The following FBXO40 variants were observed in gnomAD, a reference collection of about 807,000 sequenced individuals.
FBXO40 encodes the protein F-box only protein 40.
FBXO40 carries 50 observed loss-of-function variants against 49.9 expected under a neutral mutation model. That is an observed-to-expected ratio of 1.00 (90% confidence interval 0.80 to 1.27). The LOEUF (loss-of-function observed/expected upper bound fraction) is 1.27. Among genes scored for constraint, FBXO40 ranks in the 50% most tolerant of loss-of-function variants. FBXO40 has a pLI of 0.00. For synonymous variants in FBXO40, 340 were observed against 320.2 expected, an observed-to-expected ratio of 1.06 and a Z score of -0.66; for missense variants, 895 against 870.1, an observed-to-expected ratio of 1.03 and a Z score of -0.36.
intron 1 of FBXO40, among the ~76,000 whole-genome samples, chr3:121,613,071 G>GAA (rs34114730): frequency 0.027 from 3,549 of 129,258 alleles, 73 homozygotes; most frequent in African/African-American, 0.033. Context: ...CTCCGTCTCA[G>GAA]AAAAAAAAAA....
intron 1 of FBXO40, among the ~76,000 whole-genome samples, chr3:121,613,472 A>G (rs191592895): frequency 5.9e-5 from 9 of 152,340 alleles, no homozygotes; most frequent in Non-Finnish European, 7.3e-5. Flanking sequence ...ATTTCAGGGC[A>G]AAAATGACAT....
At chr3:121,607,388 C>A (rs7649183) in intron 1 of FBXO40, among the ~76,000 whole-genome samples, 6 of 130,118 alleles carry the variant, frequency 4.6e-5, no homozygotes, top group Non-Finnish European at 4.7e-5. Flanking sequence ...CGGCTCACTG[C>A]AAGCTCCGCC....
intron 1 of FBXO40, among the ~76,000 whole-genome samples, chr3:121,599,337 G>A (rs939388701): frequency 6.6e-5 from 10 of 151,886 alleles, no homozygotes; most frequent in African/African-American, 2.4e-4. Context: ...GTGTGATGGT[G>A]CATGCCTGTA....
At chr3:121,595,416 T>C (rs2048866785) in intron 1 of FBXO40, among the ~76,000 whole-genome samples, 2 of 152,222 alleles carry the variant, frequency 1.3e-5, no homozygotes. Flanking sequence ...ATAATCCAGT[T>C]ACTTTAGCAC....
At chr3:121,618,241 T>C (rs1412703916) in intron 1 of FBXO40, among the ~76,000 whole-genome samples, 2 of 152,018 alleles carry the variant, frequency 1.3e-5, no homozygotes, top group Non-Finnish European at 2.9e-5. Flanking sequence ...AATGTGACTA[T>C]AGGCATTTTA....
intron 1 of FBXO40, among the ~76,000 whole-genome samples, chr3:121,606,113 C>A (rs2048930883): frequency 6.6e-6 from 1 of 152,180 alleles, no homozygotes; most frequent in South Asian, 2.1e-4. Context: ...TAAAAGACGA[C>A]CAGGAGGAGG....
chr3:121,615,159 C>T lies in FBXO40; in HGVS notation c.-30-5387C>T, dbSNP rs569723314. On this transcript the variant is annotated intron_variant, in intron 1 of 3. Coordinates refer to ENST00000338040, the MANE Select transcript of FBXO40 (RefSeq NM_016298.4). ...GACGGAGGTTGCAGTAAGCCAAGAT[C>T]GTGCCACTGCACTCCAGCCTGGGCA... 5.7e-4 allele frequency among the ~76,000 whole-genome samples: 74 copies of T among 130,230 alleles called. No homozygotes were observed. The South Asian group carries it at 7.5e-3, about 13-fold the overall frequency. 85.4% of individuals were successfully genotyped at this position (130,230 alleles called of 152,430 possible).
chr3:121,601,785 T>C (rs2048902505), intron 1 of FBXO40, among the ~76,000 whole-genome samples: 1 of 152,244 alleles, frequency 6.6e-6, no homozygotes. Flanking sequence ...ATTTGTGATT[T>C]TCCCCTTCTT....
chr3:121,600,315 A>G (rs898164236), intron 1 of FBXO40, among the ~76,000 whole-genome samples: 2 of 151,330 alleles, frequency 1.3e-5, no homozygotes, highest in Non-Finnish European at 2.9e-5. Context: ...CTGAGATTAC[A>G]GACATTTGCC....
Position 121,622,443 on chromosome 3 carries a change from G to T in FBXO40, c.1014G>T (p.Lys338Asn). Residue 338 changes from lysine (K) to asparagine (N), a missense_variant, in exon 3 of 4, where the codon AAG becomes AAT. Lys to Asn is a moderately conservative substitution (Grantham distance 94, BLOSUM62 0). Transcript: ENST00000338040. Reference sequence around the variant, plus strand: ...AGGAGAGAGACTTTGTTTATGGCAAGCTGGAGGCTCAGGAAGTTAAGACTG... The same window carrying T: ...AGGAGAGAGACTTTGTTTATGGCAATCTGGAGGCTCAGGAAGTTAAGACTG... ...TPKERDFVYG[K>N]LEAQEVKTVY... The T allele has an allele frequency of 5.6e-6, 9 of 1,614,236 alleles. No homozygotes were observed. Among genetic ancestry groups the T allele is most frequent in the Non-Finnish European group, 7.6e-6 (9 of 1,180,048 alleles).
rs766869702 is a variant in FBXO40 at position 121,623,093 on chromosome 3, A to G, written c.1664A>G (p.Glu555Gly). The G allele has an allele frequency of 1.2e-6, 2 of 1,614,230 alleles. No individual in the cohort carries two copies. Among genetic ancestry groups the G allele is most frequent in the South Asian group, 2.2e-5 (2 of 91,080 alleles). ...IKPEVAPELS[E>G]GRKNNHLLGH... is the part of the protein sequence containing the mutation. ...CCGGAGGTTGCTCCAGAGCTGAGCG[A>G]GGGAAGGAAGAACAACCATCTTTTG... is the stretch of plus-strand genomic sequence containing the variant. Residue 555 changes from glutamate to glycine, a missense_variant, in exon 3 of 4, where the codon GAG becomes GGG. Physicochemically the swap from Glu to Gly is moderately conservative, Grantham distance 98 (BLOSUM62 -2). Coordinates refer to ENST00000338040, the MANE Select transcript of FBXO40 (RefSeq NM_016298.4).
intron 1 of FBXO40, among the ~76,000 whole-genome samples, chr3:121,599,894 T>C (rs537065425): frequency 4.6e-5 from 7 of 151,780 alleles, no homozygotes; most frequent in South Asian, 2.1e-4. Flanking sequence ...GGATAATTTT[T>C]GTATTTTTAG....
In FBXO40 at chr3:121,629,221, T is replaced by A. The variant is rs1274122224; in HGVS notation, c.*2311T>A. On this transcript the variant is annotated 3_prime_UTR_variant, in exon 4 of 4. Coordinates refer to ENST00000338040, the MANE Select transcript of FBXO40 (RefSeq NM_016298.4). Reference sequence around the variant, plus strand: ...TGTGCCACTCGGTACTATTTGGTAATGTCACTCTATTTTTCCTAATCCCAT... The same window carrying A: ...TGTGCCACTCGGTACTATTTGGTAAAGTCACTCTATTTTTCCTAATCCCAT... 1 of 152,234 alleles carries A rather than the reference T, an allele frequency of 6.6e-6. No individual in the cohort carries two copies. Among genetic ancestry groups the A allele is most frequent in the African/African-American group, 2.4e-5 (1 of 41,458 alleles). The allele number at this position is 152,234 out of a possible 1,614,324, so 9.4% of individuals were successfully genotyped here.
In FBXO40 at chr3:121,630,045, G is replaced by A. The variant is rs1209123741; in HGVS notation, c.*3135G>A. 6.6e-6 allele frequency: 1 copy of A among 152,178 alleles called. No homozygotes were observed. The highest frequency in any genetic ancestry group is 1.5e-5 in the Non-Finnish European group (1 of 68,022). The allele number at this position is 152,178 out of a possible 1,614,324, so 9.4% of individuals were successfully genotyped here. ...GAGGTCTGTAGAACTGGGCCAGAGA[G>A]GACCTTACTGCCTTAGTAGCATAAG... On this transcript the variant is annotated 3_prime_UTR_variant, in exon 4 of 4. Transcript: ENST00000338040.
At chr3:121,624,178 C>T (rs978932780) in intron 3 of FBXO40, among the ~76,000 whole-genome samples, 7 of 151,174 alleles carry the variant, frequency 4.6e-5, no homozygotes, top group African/African-American at 9.7e-5. Context: ...TTAGTAGAGA[C>T]GGGGTTTCTC....
chr3:121,630,249 C>T lies in FBXO40; in HGVS notation c.*3339C>T, dbSNP rs2049086470. 1 of 152,112 alleles carries T rather than the reference C, an allele frequency of 6.6e-6. No individual in the cohort carries two copies. The highest frequency in any genetic ancestry group is 2.1e-4 in the South Asian group (1 of 4,828). The allele number at this position is 152,112 out of a possible 1,614,324, so 9.4% of individuals were successfully genotyped here. On this transcript the variant is annotated 3_prime_UTR_variant, in exon 4 of 4. Coordinates refer to ENST00000338040, the MANE Select transcript of FBXO40 (RefSeq NM_016298.4). ...TGACTGACCTCTGTATACTAGAAAC[C>T]TCAACATCTCTAGAAGAGGAAATAA...
At chr3:121,609,762 C>G (rs1266696309) in intron 1 of FBXO40, among the ~76,000 whole-genome samples, 1 of 152,194 alleles carries the variant, frequency 6.6e-6, no homozygotes, top group Admixed American at 6.5e-5. Context: ...TGCAAGAAAA[C>G]CAGAGTCCCT....
rs1455917794 is a variant in FBXO40 at position 121,621,447 on chromosome 3, A to T, written c.18A>T (p.Arg6Ser). ...GGTGTGTCCAGGGGAAAGCCCGCAG[A>T]TCCCCGCCAGGGCACCACAGGCATT... is the stretch of plus-strand genomic sequence containing the variant. MGKAR[R>S]SPPGHHRHCE... The change falls in exon 3 of 4, where the codon AGA (arginine) becomes AGT (serine). Residue 6 changes from arginine to serine, a missense_variant. Coordinates refer to ENST00000338040, the MANE Select transcript of FBXO40 (RefSeq NM_016298.4). The T allele has an allele frequency of 6.2e-6, 10 of 1,613,316 alleles. No homozygotes were observed. The highest frequency in any genetic ancestry group is 8.5e-6 in the Non-Finnish European group (10 of 1,179,514).
intron 1 of FBXO40, among the ~76,000 whole-genome samples, chr3:121,618,819 C>A (rs967713300): frequency 6.6e-6 from 1 of 151,202 alleles, no homozygotes; most frequent in African/African-American, 2.4e-5. Context: ...AGAAAGGACA[C>A]AAAAATGGTA....
Sources: gnomAD v4.1 joint callset for allele counts (sites outside exome capture counted in the v4.1 genomes callset) on GRCh38, gnomAD v4.1.1 for gene constraint, MANE v1.5 for transcripts, NCBI Gene and HGNC (gene_info 2026-07-23, HGNC 2026-07-21) for gene names.